POTEE: variants seen among roughly 807,000 people sequenced by gnomAD.
POTEE encodes the protein ANKRD26-like family C member 1A.
POTEE carries 21 observed loss-of-function variants against 74.2 expected under a neutral mutation model. The ratio of observed to expected loss-of-function variants is 0.28; its 90% CI spans 0.20 to 0.41. POTEE has a LOEUF of 0.41. POTEE is among the 10% of genes least tolerant of loss of function. POTEE has a pLI of 1.00. For synonymous variants in POTEE, 211 were observed against 432.8 expected, an observed-to-expected ratio of 0.49 and a Z score of 6.36; for missense variants, 525 against 1,158.6, an observed-to-expected ratio of 0.45 and a Z score of 7.94.
chr2:131,227,349 T>C (rs1489565658), intron 7 of POTEE, among the ~76,000 whole-genome samples: 1 of 149,618 alleles, frequency 6.7e-6, no homozygotes, highest in Non-Finnish European at 1.5e-5. Flanking sequence ...GAAAATCCTT[T>C]TGTCTTTTTA....
At chr2:131,233,123 C>G (rs1308927161) in intron 9 of POTEE, among the ~76,000 whole-genome samples, 5 of 152,096 alleles carry the variant, frequency 3.3e-5, no homozygotes, top group East Asian at 1.9e-4. Context: ...ATGTGTGCTG[C>G]AGGGGCTCAT....
At chr2:131,262,743 A>G (rs1419002186) in intron 17 of POTEE, among the ~76,000 whole-genome samples, 2 of 152,284 alleles carry the variant, frequency 1.3e-5, no homozygotes, top group Non-Finnish European at 2.9e-5. Context: ...GCCTAGATAC[A>G]GATGTGTACA....
At chr2:131,248,432 G>T (rs1311142088) in intron 13 of POTEE, among the ~76,000 whole-genome samples, 1 of 152,148 alleles carries the variant, frequency 6.6e-6, no homozygotes. Flanking sequence ...TGGACATGAG[G>T]AAGGAGTAGG....
chr2:131,263,965 A>T lies in POTEE; in HGVS notation c.2510A>T (p.Gln837Leu), dbSNP rs1223170931. 3.7e-6 allele frequency: 6 copies of T among 1,614,174 alleles called. No homozygotes were observed. Among genetic ancestry groups the T allele is most frequent in the Non-Finnish European group, 5.1e-6 (6 of 1,180,028 alleles). ...FNTPAMYVAI[Q>L]AVPSLYTSGR... ...ACCCCAGCCATGTACGTGGCCATCC[A>T]GGCCGTGCCGTCCCTGTACACCTCT... Residue 837 changes from glutamine to leucine, a missense_variant, in exon 18 of 18, where the codon CAG (glutamine) becomes CTG (leucine). Gln to Leu is a moderately radical substitution (Grantham distance 113). Coordinates refer to ENST00000683005, the MANE Select transcript of POTEE (RefSeq NM_001083538.3).
chr2:131,228,487 A>G (rs1422624747), intron 8 of POTEE, 106 bp downstream of exon 8: 1 of 1,569,666 alleles, frequency 6.4e-7, no homozygotes, highest in African/African-American at 1.4e-5. Flanking sequence ...TGGTTCAGGT[A>G]GTTTTCGCGT....
intron 10 of POTEE, 91 bp downstream of exon 10, chr2:131,236,893 AC>A (rs1329616111): frequency 2.3e-6 from 1 of 429,296 alleles, no homozygotes; most frequent in Non-Finnish European, 3.7e-6. Flanking sequence ...TACCTTTCAG[AC>A]TAGGTTTTGA....
intron 17 of POTEE, among the ~76,000 whole-genome samples, chr2:131,262,975 A>C (rs1441225094): frequency 1.3e-5 from 2 of 152,034 alleles, no homozygotes; most frequent in African/African-American, 2.4e-5. Context: ...CCTAATCTTA[A>C]AAATGTAGTC....
chr2:131,218,848 G>C lies in POTEE; in HGVS notation c.446G>C (p.Trp149Ser), dbSNP rs201391333. Residue 149 changes from tryptophan (W) to serine (S), a missense_variant, in exon 4 of 18, where the codon TGG becomes TCG. By Grantham distance (177) the Trp-to-Ser change is radical. Transcript: ENST00000683005. ...DLDKLHRAAWWGKVPRKDLIV... is the reference protein window; with the variant it reads ...DLDKLHRAAWSGKVPRKDLIV... ...GACAAGCTCCACAGAGCTGCCTGGT[G>C]GGGTAAAGTCCCCAGAAAGGATCTC... is the stretch of plus-strand genomic sequence containing the variant. 1.4e-4 allele frequency: 222 copies of C among 1,612,974 alleles called. No homozygotes were observed. In the African/African-American group the frequency reaches 2.8e-3, roughly 20 times the overall value.
intron 2 of POTEE, among the ~76,000 whole-genome samples, chr2:131,216,380 G>A (rs1011919282): frequency 6.6e-6 from 1 of 152,252 alleles, no homozygotes; most frequent in Non-Finnish European, 1.5e-5. Context: ...AAAAACCAAA[G>A]CAATCTTTAG....
At chr2:131,217,483 G>A (rs574670442) in intron 2 of POTEE, among the ~76,000 whole-genome samples, 106 bp from the exon 3 acceptor site, 4,960 of 135,728 alleles carry the variant, frequency 0.037, 180 homozygotes, top group African/African-American at 0.11. Context: ...CAACAGCACC[G>A]CCAGGAGTGT....
intron 8 of POTEE, among the ~76,000 whole-genome samples, chr2:131,229,047 A>C (rs1700866195): frequency 6.6e-6 from 1 of 150,682 alleles, no homozygotes; most frequent in African/African-American, 2.5e-5. Flanking sequence ...CCAGAGCACC[A>C]GCCCCCTGCT....
At chr2:131,224,451 T>TA (rs1489593392) in intron 6 of POTEE, among the ~76,000 whole-genome samples, 1 of 145,770 alleles carries the variant, frequency 6.9e-6, no homozygotes, top group African/African-American at 2.6e-5. Flanking sequence ...GGCAAGTTCC[T>TA]AAAAAACAGT....
chr2:131,224,460 G>A (rs867490209), intron 6 of POTEE, among the ~76,000 whole-genome samples: 1,793 of 145,754 alleles, frequency 0.012, 39 homozygotes, highest in African/African-American at 0.042. Context: ...CTAAAAAACA[G>A]TAATAGATAC....
intron 2 of POTEE, among the ~76,000 whole-genome samples, chr2:131,212,855 C>T (rs1338299673): frequency 2.6e-5 from 4 of 151,436 alleles, no homozygotes; most frequent in South Asian, 4.2e-4. Context: ...TGAGCCACCA[C>T]GCCTGGCTCT....
rs371236967 is a variant in POTEE at position 131,218,610 on chromosome 2, C to T, written c.208C>T (p.Pro70Ser). Residue 70 changes from proline to serine, a missense_variant, in exon 4 of 18, where the codon CCC (proline) becomes TCC (serine). Physicochemically the swap from Pro to Ser is moderately conservative, Grantham distance 74. Coordinates refer to ENST00000683005, the MANE Select transcript of POTEE (RefSeq NM_001083538.3). ...KMGKWCHHCF[P>S]CCRGSGKSNV... ...GGGCAAGTGGTGCCACCACTGCTTCCCCTGCTGCAGGGGGAGTGGCAAGAG... is the reference window on the plus strand; with the variant it reads ...GGGCAAGTGGTGCCACCACTGCTTCTCCTGCTGCAGGGGGAGTGGCAAGAG... 3.2e-5 allele frequency: 52 copies of T among 1,611,762 alleles called. No individual in the cohort carries two copies. The highest frequency in any genetic ancestry group is 4.3e-5 in the Non-Finnish European group (51 of 1,179,560).
intron 3 of POTEE, 125 bp from the exon 4 acceptor site, chr2:131,218,185 C>T (rs548446405): frequency 1.5e-4 from 140 of 928,162 alleles, no homozygotes; most frequent in Non-Finnish European, 2.0e-4. Flanking sequence ...GGCGTGGGGT[C>T]GCCCAGGGGG....
chr2:131,230,201 A>G (rs1473023559), intron 8 of POTEE, among the ~76,000 whole-genome samples: 5 of 152,302 alleles, frequency 3.3e-5, no homozygotes, highest in Non-Finnish European at 7.4e-5. Flanking sequence ...AAACTATGAC[A>G]TAGTTGAGAT....
rs764953106 is a variant in POTEE at position 131,210,133 on chromosome 2, C to CT, written c.-345+315dup. Among the ~76,000 whole-genome samples, 527 of 120,226 alleles carry CT rather than the reference C, an allele frequency of 4.4e-3. 3 individuals are homozygous for CT. The highest frequency in any genetic ancestry group is 0.014 in the African/African-American group (424 of 31,406). 78.9% of individuals were successfully genotyped at this position (120,226 alleles called of 152,430 possible). On this transcript the variant is annotated intron_variant, in intron 1 of 17. Transcript: ENST00000683005. Reference sequence around the variant, plus strand: ...GAGTGGTTTGGGTGGTTATTTGGAGCTACAATGCTGGCAGCGGGGGGTGGT... The same window carrying CT: ...GAGTGGTTTGGGTGGTTATTTGGAGCTTACAATGCTGGCAGCGGGGGGTGGT...
At chr2:131,216,501 A>C (rs1700445155) in intron 2 of POTEE, among the ~76,000 whole-genome samples, 1 of 151,900 alleles carries the variant, frequency 6.6e-6, no homozygotes, top group Non-Finnish European at 1.5e-5. Flanking sequence ...TTGGCAAGCC[A>C]CATGCAGAAA....
Sources: allele counts gnomAD v4.1 joint callset (sites outside exome capture counted in the v4.1 genomes callset), GRCh38; gene constraint gnomAD v4.1.1; transcripts MANE v1.5; gene names NCBI Gene and HGNC (gene_info 2026-07-23, HGNC 2026-07-21).